RALGAPA2: variants seen among roughly 807,000 people sequenced by gnomAD.
RALGAPA2 encodes Ral GTPase activating protein catalytic subunit alpha 2.
In RALGAPA2, 139 loss-of-function variants were observed where a neutral mutation model predicts 230.4. The ratio of observed to expected loss-of-function variants is 0.60; its 90% CI spans 0.53 to 0.69. The LOEUF (loss-of-function observed/expected upper bound fraction) is 0.69, where lower values mean the gene tolerates loss of function less well. Ranked by LOEUF, RALGAPA2 falls within the 30% of genes least tolerant of loss-of-function variation. RALGAPA2 has a pLI of 0.00. For missense variants in RALGAPA2, 2,163 were observed against 2,276.0 expected, an observed-to-expected ratio of 0.95 and a Z score of 1.01; for synonymous variants, 847 against 837.8, an observed-to-expected ratio of 1.01 and a Z score of -0.19.
chr20:20,458,856 C>CTATA (rs200853897), intron 37 of RALGAPA2, among the ~76,000 whole-genome samples: 92 of 88,180 alleles, frequency 1.0e-3, no homozygotes, highest in African/African-American at 2.4e-3. Flanking sequence ...ATATATAGAC[C>CTATA]TATATATATA....
At chr20:20,678,554 T>G (rs2068414801) in intron 2 of RALGAPA2, among the ~76,000 whole-genome samples, 1 of 152,104 alleles carries the variant, frequency 6.6e-6, no homozygotes, top group African/African-American at 2.4e-5. Context: ...AGGTCACCTG[T>G]ACGCTCCTCT....
chr20:20,510,870 T>A (rs1233696948), intron 33 of RALGAPA2, among the ~76,000 whole-genome samples: 1 of 152,208 alleles, frequency 6.6e-6, no homozygotes, highest in East Asian at 1.9e-4. Context: ...CAACATGGAT[T>A]CTGAAGTCAG....
chr20:20,526,135 T>C (rs1035641360), intron 28 of RALGAPA2, 117 bp downstream of exon 28: 5 of 803,744 alleles, frequency 6.2e-6, no homozygotes, highest in African/African-American at 5.3e-5. Flanking sequence ...ACGAGTGACT[T>C]GTGGCAATTT....
chr20:20,531,429 C>T (rs535406426), intron 27 of RALGAPA2, among the ~76,000 whole-genome samples: 6 of 152,292 alleles, frequency 3.9e-5, no homozygotes, highest in South Asian at 2.1e-4. Context: ...GACCTCTTTG[C>T]GACAGGAGCT....
chr20:20,464,614 T>C (rs2061374432), intron 37 of RALGAPA2, among the ~76,000 whole-genome samples: 2 of 152,338 alleles, frequency 1.3e-5, no homozygotes, highest in Middle Eastern at 6.8e-3. Flanking sequence ...CTAAATAAAC[T>C]AATGGCTCTA....
intron 31 of RALGAPA2, among the ~76,000 whole-genome samples, chr20:20,518,074 C>A (rs1001359498): frequency 6.6e-6 from 1 of 151,888 alleles, no homozygotes; most frequent in Non-Finnish European, 1.5e-5. Context: ...TTTTTCCCCC[C>A]GAGATGGAGT....
chr20:20,582,123 G>T (rs2146010853), intron 20 of RALGAPA2, among the ~76,000 whole-genome samples: 1 of 152,026 alleles, frequency 6.6e-6, no homozygotes, highest in Non-Finnish European at 1.5e-5. Flanking sequence ...ACAGGTGAGG[G>T]AAACTGACCT....
At chr20:20,587,367 C>T (rs1040038288) in intron 18 of RALGAPA2, among the ~76,000 whole-genome samples, 2 of 152,030 alleles carry the variant, frequency 1.3e-5, no homozygotes, top group African/African-American at 4.8e-5. Context: ...GGAGGCCTTA[C>T]ATATCTCAGA....
intron 23 of RALGAPA2, among the ~76,000 whole-genome samples, chr20:20,562,502 T>A (rs2064288162): frequency 6.6e-6 from 1 of 152,234 alleles, no homozygotes; most frequent in Admixed American, 6.5e-5. Context: ...CATGTCTTAT[T>A]AGATACCGGA....
chr20:20,643,468 G>T, intron 5 of RALGAPA2, 38 bp downstream of exon 5: 2 of 1,443,160 alleles, frequency 1.4e-6, no homozygotes, highest in South Asian at 2.7e-5. Context: ...ACAAATTTAA[G>T]AGTAATAAAA....
chr20:20,410,444 AC>A (rs1223498706), intron 38 of RALGAPA2, among the ~76,000 whole-genome samples: 2 of 152,224 alleles, frequency 1.3e-5, no homozygotes, highest in Non-Finnish European at 2.9e-5. Context: ...CAAACAAAAA[AC>A]AAAAAACAAC....
intron 38 of RALGAPA2, among the ~76,000 whole-genome samples, chr20:20,410,856 G>A (rs1018540251): frequency 3.9e-5 from 6 of 152,248 alleles, no homozygotes; most frequent in African/African-American, 4.8e-5. Flanking sequence ...TGCAAATCAC[G>A]CTGCTCCTGC....
At chr20:20,528,729 G>A (rs889326650) in intron 27 of RALGAPA2, among the ~76,000 whole-genome samples, 4 of 152,184 alleles carry the variant, frequency 2.6e-5, no homozygotes, top group Non-Finnish European at 5.9e-5. Context: ...ACATTCATGG[G>A]TGCACCTAGG....
At chr20:20,604,298 T>C (rs1216229496) in intron 15 of RALGAPA2, among the ~76,000 whole-genome samples, 2 of 152,226 alleles carry the variant, frequency 1.3e-5, no homozygotes, top group African/African-American at 4.8e-5. Flanking sequence ...ATTAAGGGGA[T>C]GCCAAATTGT....
At chr20:20,608,049 G>A (rs2146261185) in intron 14 of RALGAPA2, among the ~76,000 whole-genome samples, 1 of 152,282 alleles carries the variant, frequency 6.6e-6, no homozygotes, top group South Asian at 2.1e-4. Flanking sequence ...ACCTAGGAAA[G>A]TCACTTGGCC....
chr20:20,521,099 A>G lies in RALGAPA2; in HGVS notation c.3902T>C (p.Val1301Ala), dbSNP rs377238279. ...RAPLLDYIYR[V>A]LHCCVCGSST... The stretch of plus-strand genomic sequence containing the variant: ...TGAGCCACACACACAGCAGTGCAAA[A>G]CCTGTGAAAACAGAGGCCATGTGCA... The change falls in exon 31 of 40, where the codon GTT (valine) becomes GCT (alanine). Residue 1301 changes from valine (V) to alanine (A), a missense_variant and splice_region_variant. Val to Ala is a moderately conservative substitution (Grantham distance 64). Transcript: ENST00000202677. 30 of 1,599,982 alleles carry G rather than the reference A, an allele frequency of 1.9e-5. No individual in the cohort carries two copies. The highest frequency in any genetic ancestry group is 2.6e-5 in the Non-Finnish European group (30 of 1,169,450).
chr20:20,458,522 T>C lies in RALGAPA2; in HGVS notation c.5495+14307A>G, dbSNP rs1397304343. On this transcript the variant is annotated intron_variant, in intron 37 of 39. Coordinates refer to ENST00000202677, the MANE Select transcript of RALGAPA2 (RefSeq NM_020343.4). ...TATTATATATAATATATATGTATTT[T>C]ATATATATTATATATAATATATATG... Among the ~76,000 whole-genome samples the C allele has an allele frequency of 5.7e-4, 78 of 137,090 alleles. 1 individual carries two copies. The highest frequency in any genetic ancestry group is 6.2e-4 in the Non-Finnish European group (40 of 64,698). 89.9% of individuals were successfully genotyped at this position (137,090 alleles called of 152,430 possible).
chr20:20,658,149 TC>T (rs2067652893), intron 3 of RALGAPA2, among the ~76,000 whole-genome samples: 1 of 152,174 alleles, frequency 6.6e-6, no homozygotes, highest in Admixed American at 6.5e-5. Flanking sequence ...TTAAAAACAC[TC>T]AAAAAGGCTT....
intron 37 of RALGAPA2, among the ~76,000 whole-genome samples, chr20:20,461,132 T>C (rs2061292009): frequency 6.6e-6 from 1 of 152,212 alleles, no homozygotes; most frequent in Non-Finnish European, 1.5e-5. Flanking sequence ...ATAATTTAGA[T>C]GTTGTTTTCT....
Sources: allele counts gnomAD v4.1 joint callset (sites outside exome capture counted in the v4.1 genomes callset), GRCh38; gene constraint gnomAD v4.1.1; transcripts MANE v1.5; gene names NCBI Gene and HGNC (gene_info 2026-07-23, HGNC 2026-07-21).